The following ENPP1 variants were observed in gnomAD, a reference collection of about 807,000 sequenced individuals.
The protein encoded by ENPP1 is ectonucleotide pyrophosphatase/phosphodiesterase 1.
Under a neutral mutation model 122.8 loss-of-function variants are expected in ENPP1, and 73 were observed. The observed-to-expected ratio is 0.59, with a 90% CI of 0.49 to 0.72. The LOEUF is 0.72. Ranked by LOEUF, ENPP1 falls within the 30% of genes least tolerant of loss-of-function variation. The pLI, the probability that ENPP1 is intolerant of heterozygous loss-of-function variation, is 0.00. For synonymous variants in ENPP1, 367 were observed against 391.6 expected (o/e 0.94, Z 0.74); for missense variants, 978 against 1,128.1 (o/e 0.87, Z 1.91).
Position 131,877,148 on chromosome 6 carries a change from C to G in ENPP1, c.1880C>G (p.Ser627Ter). 6.2e-7 allele frequency: 1 copy of G among 1,613,710 alleles called. No individual in the cohort carries two copies. ...TRNPRDNLGC[S>*]CNPSILPIED... ...AACCCCAGAGATAACCTTGGCTGCT[C>G]ATGTAACCCTTCGGTAAGTATCGTC... Residue 627 changes from serine to a stop codon, truncating the protein, a stop_gained, in exon 18 of 25, where the codon TCA becomes TGA. Transcript: ENST00000647893. LOFTEE classifies it high-confidence loss of function.
intron 1 of ENPP1, among the ~76,000 whole-genome samples, chr6:131,831,133 A>AAAAAG (rs1474005551): frequency 1.3e-5 from 2 of 148,608 alleles, no homozygotes; most frequent in Non-Finnish European, 3.0e-5. Flanking sequence ...AAAAAAAAAA[A>AAAAAG]AAAAGAAAAG....
chr6:131,857,307 C>A (rs1180567659), intron 6 of ENPP1, among the ~76,000 whole-genome samples: 20 of 148,106 alleles, frequency 1.4e-4, no homozygotes, highest in African/African-American at 4.4e-4. Context: ...TGGGTATATA[C>A]CCAAAGGACT....
chr6:131,886,493 C>G (rs920790038), intron 23 of ENPP1, 69 bp from the exon 24 acceptor site: 6 of 1,158,362 alleles, frequency 5.2e-6, no homozygotes, highest in Non-Finnish European at 7.7e-6. Context: ...AAAGCATGCT[C>G]TACTGAAATA....
intron 11 of ENPP1, among the ~76,000 whole-genome samples, chr6:131,865,436 G>T (rs1782076641): frequency 6.6e-6 from 1 of 152,172 alleles, no homozygotes; most frequent in African/African-American, 2.4e-5. Flanking sequence ...ACGTGATTTT[G>T]TTGAATATTT....
At chr6:131,835,809 A>T (rs1219211484) in intron 1 of ENPP1, among the ~76,000 whole-genome samples, 1 of 152,100 alleles carries the variant, frequency 6.6e-6, no homozygotes, top group Non-Finnish European at 1.5e-5. Flanking sequence ...TTTGAGCTGC[A>T]ATTTTCTATT....
chr6:131,892,737 A>G lies in ENPP1; in HGVS notation c.*2226A>G, dbSNP rs1782487745. 6.6e-6 allele frequency: 1 copy of G among 152,050 alleles called. No homozygotes were observed. The highest frequency in any genetic ancestry group is 1.5e-5 in the Non-Finnish European group (1 of 68,038). The allele number at this position is 152,050 out of a possible 1,614,324, so 9.4% of individuals were successfully genotyped here. A position where few individuals can be genotyped will look rare whatever the true frequency, so the allele number is the denominator to read the frequency against. ...AGTCAGGGAGTTGGGGCACCTCTTT[A>G]CAGCTTGGTGAGAGTGTAAGTCTGG... On this transcript the variant is annotated 3_prime_UTR_variant, in exon 25 of 25. Transcript: ENST00000647893.
At chr6:131,886,123 G>A (rs968427388) in intron 23 of ENPP1, among the ~76,000 whole-genome samples, 1 of 152,178 alleles carries the variant, frequency 6.6e-6, no homozygotes, top group Non-Finnish European at 1.5e-5. Flanking sequence ...AACAATTCAT[G>A]ACAACATGTC....
intron 1 of ENPP1, among the ~76,000 whole-genome samples, chr6:131,821,376 C>T (rs1042323589): frequency 2.0e-5 from 3 of 152,186 alleles, no homozygotes; most frequent in Non-Finnish European, 4.4e-5. Context: ...AATGAAAAAA[C>T]TCAATGGGCC....
chr6:131,879,446 A>AATATCT (rs1429632626), intron 19 of ENPP1, among the ~76,000 whole-genome samples: 1 of 152,168 alleles, frequency 6.6e-6, no homozygotes, highest in Admixed American at 6.5e-5. Flanking sequence ...GGCAATAAAT[A>AATATCT]ATATCTATAT....
chr6:131,877,866 A>AAAAATAT (rs1562183349), intron 18 of ENPP1: 1 of 53,024 alleles, frequency 1.9e-5, no homozygotes. Context: ...AAAAAAAAAA[A>AAAAATAT]ATATATATAT....
chr6:131,880,614 C>T (rs185207311), intron 20 of ENPP1, among the ~76,000 whole-genome samples: 54 of 151,864 alleles, frequency 3.6e-4, no homozygotes, highest in African/African-American at 1.2e-3. Flanking sequence ...TTTTCCTCCC[C>T]GACCCCAGTT....
At chr6:131,826,242 T>C in intron 1 of ENPP1, 1 of 975,984 alleles carries the variant, frequency 1.0e-6, no homozygotes, top group Non-Finnish European at 1.7e-6. Context: ...GCCCATCTGG[T>C]AGCATCTCAC....
rs148408530 is a variant in ENPP1 at position 131,836,903 on chromosome 6, G to A, written c.241-10873G>A. Among the ~76,000 whole-genome samples the A allele has an allele frequency of 3.3e-5, 5 of 152,300 alleles. No individual in the cohort carries two copies. In the East Asian group the frequency reaches 9.7e-4, roughly 29 times the overall value. On this transcript the variant is annotated intron_variant, in intron 1 of 24. Transcript: ENST00000647893. ...AAGCAGGAATCCCTTTTTAGGGAAAGTGCTTGTGACCTTAGCTTGCTTAGA... is the reference window on the plus strand; with the variant it reads ...AAGCAGGAATCCCTTTTTAGGGAAAATGCTTGTGACCTTAGCTTGCTTAGA...
At chr6:131,840,778 G>A (rs1781730139) in intron 1 of ENPP1, among the ~76,000 whole-genome samples, 1 of 152,182 alleles carries the variant, frequency 6.6e-6, no homozygotes, top group Admixed American at 6.5e-5. Flanking sequence ...TTGAGATGTA[G>A]TAGGATCTCA....
At chr6:131,853,243 A>G (rs1403296875) in intron 5 of ENPP1, among the ~76,000 whole-genome samples, 1 of 152,176 alleles carries the variant, frequency 6.6e-6, no homozygotes, top group African/African-American at 2.4e-5. Flanking sequence ...CCTCAACCAA[A>G]TAATTTCAAC....
chr6:131,847,940 A>G (rs1781833950), intron 2 of ENPP1, 92 bp downstream of exon 2: 16 of 979,082 alleles, frequency 1.6e-5, no homozygotes, highest in Middle Eastern at 3.1e-4. Flanking sequence ...GGTAAACATT[A>G]TCTCCTATTC....
At chr6:131,886,926 C>CT (rs60409660) in intron 24 of ENPP1, among the ~76,000 whole-genome samples, 29 of 110,610 alleles carry the variant, frequency 2.6e-4, no homozygotes, top group Admixed American at 4.7e-4. Context: ...TTACTTTTTT[C>CT]TTTTTTTTTT....
rs1781305420 is a variant in ENPP1 at position 131,808,256 on chromosome 6, C to G, written c.221C>G (p.Thr74Ser). The G allele has an allele frequency of 6.6e-7, 1 of 1,516,496 alleles. No individual in the cohort carries two copies. Among genetic ancestry groups the G allele is most frequent in the Non-Finnish European group, 8.8e-7 (1 of 1,131,358 alleles). 93.9% of individuals were successfully genotyped at this position (1,516,496 alleles called of 1,614,324 possible). The change falls in exon 1 of 25, where the codon ACC becomes AGC. Residue 74 changes from threonine (T) to serine (S), a missense_variant. Thr to Ser is a moderately conservative substitution (Grantham distance 58). Coordinates refer to ENST00000647893, the MANE Select transcript of ENPP1 (RefSeq NM_006208.3). ...ARARTAKDPN[T>S]YKVLSLVLSV... ...GCCCGCACTGCCAAGGACCCCAACA[C>G]CTATAAAGTACTCTCGCTGGTAGGT...
intron 20 of ENPP1, among the ~76,000 whole-genome samples, chr6:131,881,545 T>C (rs1360446810): frequency 7.9e-5 from 12 of 152,304 alleles, no homozygotes; most frequent in Admixed American, 7.2e-4. Flanking sequence ...TAGTTGACTA[T>C]GGAAGATAGA....
Sources: gnomAD v4.1 joint callset for allele counts (sites outside exome capture counted in the v4.1 genomes callset) on GRCh38, gnomAD v4.1.1 for gene constraint, MANE v1.5 for transcripts, NCBI Gene and HGNC (gene_info 2026-07-23, HGNC 2026-07-21) for gene names.